Variants in MAP7 observed in about 807,000 individuals in gnomAD.
MAP7 encodes the protein microtubule associated protein 7, also known as ensconsin.
A neutral mutation model predicts 94.8 loss-of-function variants in MAP7; 52 were observed. The ratio of observed to expected loss-of-function variants is 0.55; its 90% CI spans 0.44 to 0.69. The LOEUF (loss-of-function observed/expected upper bound fraction) is 0.69. Among genes scored for constraint, MAP7 ranks in the 30% least tolerant of loss-of-function variants. The pLI is 0.00. For missense variants in MAP7, 940 were observed against 964.6 expected (o/e 0.97, Z 0.34); for synonymous variants, 350 against 357.0 (o/e 0.98, Z 0.22).
At chr6:136,481,884 T>C (rs1414136470) in intron 1 of MAP7, among the ~76,000 whole-genome samples, 1 of 152,194 alleles carries the variant, frequency 6.6e-6, no homozygotes, top group Non-Finnish European at 1.5e-5. Flanking sequence ...CATAAATATA[T>C]ATAGCCACTA....
At chr6:136,389,258 C>T in intron 4 of MAP7, 96 bp downstream of exon 4, 2 of 1,481,504 alleles carry the variant, frequency 1.3e-6, no homozygotes, top group Non-Finnish European at 8.9e-7. Context: ...AACCATTTTG[C>T]TTTGCACCCT....
At chr6:136,408,122 G>A (rs73565435) in intron 3 of MAP7, among the ~76,000 whole-genome samples, 124 of 152,178 alleles carry the variant, frequency 8.1e-4, no homozygotes, top group African/African-American at 2.9e-3. Context: ...AAAAATAAAA[G>A]CTTAGAAGAG....
chr6:136,509,708 C>T (rs565394575), intron 1 of MAP7, among the ~76,000 whole-genome samples: 1 of 152,236 alleles, frequency 6.6e-6, no homozygotes, highest in Non-Finnish European at 1.5e-5. Flanking sequence ...TACATACATG[C>T]ACCACCATGC....
chr6:136,524,733 C>T (rs910398140), intron 1 of MAP7, among the ~76,000 whole-genome samples: 24 of 152,130 alleles, frequency 1.6e-4, no homozygotes, highest in African/African-American at 5.1e-4. Flanking sequence ...AAGATTAATT[C>T]GAGAAACAGG....
chr6:136,493,250 G>A (rs1312961858), intron 1 of MAP7, among the ~76,000 whole-genome samples: 1 of 151,220 alleles, frequency 6.6e-6, no homozygotes, highest in Admixed American at 6.6e-5. Context: ...AGCCTCCCGA[G>A]TAGCTGGGAT....
At position 136,390,066 on chromosome 6, in the gene MAP7, TTTAG is replaced by T. The variant is rs146598246; in HGVS notation, c.245-553_245-550del. 1.4e-4 allele frequency among the ~76,000 whole-genome samples: 22 copies of T among 152,282 alleles called. No individual in the cohort carries two copies. The East Asian group carries it at 4.2e-3, about 29-fold the overall frequency. The stretch of plus-strand genomic sequence containing the variant: ...GGCCTTGTGTCTGAGGAGCTCACAA[TTTAG>T]TTAGATAAGAGTTAACCATATCAAA... On this transcript the variant is annotated intron_variant, in intron 3 of 17. Coordinates refer to ENST00000354570, the MANE Select transcript of MAP7 (RefSeq NM_003980.6).
Position 136,550,062 on chromosome 6 carries a change from C to T in MAP7, c.67+280G>A, listed in dbSNP as rs1405895433. On this transcript the variant is annotated intron_variant, in intron 1 of 17. Transcript: ENST00000354570. The surrounding 1 kb of genome is among the most constrained non-coding windows in gnomAD (Gnocchi z 5.1). ...GCCGGGGTCTCTCCGTTTCCTCCCC[C>T]GGCTCGCCTCCACCTGTTGCGGGAA... 6.6e-6 allele frequency among the ~76,000 whole-genome samples: 1 copy of T among 151,658 alleles called. No homozygotes were observed. Among genetic ancestry groups the T allele is most frequent in the Non-Finnish European group, 1.5e-5 (1 of 67,798 alleles).
At chr6:136,394,816 T>C (rs1781846721) in intron 3 of MAP7, among the ~76,000 whole-genome samples, 1 of 150,504 alleles carries the variant, frequency 6.6e-6, no homozygotes, top group Admixed American at 6.6e-5. Flanking sequence ...AGTGAGAACA[T>C]GCAATATTTG....
intron 1 of MAP7, among the ~76,000 whole-genome samples, chr6:136,423,296 T>G (rs894879759): frequency 3.9e-5 from 6 of 152,110 alleles, no homozygotes; most frequent in Non-Finnish European, 8.8e-5. Flanking sequence ...CATCTGTAAA[T>G]GGGGAAAACA....
chr6:136,429,290 C>A (rs1435394162), intron 1 of MAP7, among the ~76,000 whole-genome samples: 3 of 152,202 alleles, frequency 2.0e-5, no homozygotes, highest in Non-Finnish European at 4.4e-5. Flanking sequence ...ATTAGAGTGA[C>A]ACTCTGCAAA....
chr6:136,395,715 T>C (rs1277441091), intron 3 of MAP7, among the ~76,000 whole-genome samples: 1 of 152,200 alleles, frequency 6.6e-6, no homozygotes, highest in Admixed American at 6.5e-5. Context: ...TTAATCCATT[T>C]TGAGTTGATT....
intron 1 of MAP7, among the ~76,000 whole-genome samples, chr6:136,464,537 G>C (rs1456149233): frequency 6.6e-6 from 1 of 152,184 alleles, no homozygotes; most frequent in African/African-American, 2.4e-5. Context: ...CCTAGAAAAA[G>C]ACATAGTACA....
chr6:136,539,286 C>T (rs1197594252), intron 1 of MAP7, among the ~76,000 whole-genome samples: 1 of 152,180 alleles, frequency 6.6e-6, no homozygotes, highest in African/African-American at 2.4e-5. Flanking sequence ...AGAATGCTTA[C>T]ATGACATGCC....
At chr6:136,454,735 T>C (rs538661437) in intron 1 of MAP7, among the ~76,000 whole-genome samples, 4 of 152,014 alleles carry the variant, frequency 2.6e-5, no homozygotes, top group African/African-American at 9.6e-5. Flanking sequence ...CAAGACCCCA[T>C]CTCTTAAAAA....
chr6:136,470,771 T>A (rs1808716734), intron 1 of MAP7, among the ~76,000 whole-genome samples: 1 of 152,048 alleles, frequency 6.6e-6, no homozygotes, highest in African/African-American at 2.4e-5. Context: ...AGTGAATGTA[T>A]AAATGAAAAG....
At chr6:136,421,651 G>A (rs1791393354) in intron 2 of MAP7, 50 bp downstream of exon 2, 1 of 1,479,212 alleles carries the variant, frequency 6.8e-7, no homozygotes, top group South Asian at 1.1e-5. Context: ...ATGCCTTTAG[G>A]GCATAAAAGA....
chr6:136,368,002 A>G (rs973941563), intron 8 of MAP7, among the ~76,000 whole-genome samples: 3 of 152,110 alleles, frequency 2.0e-5, no homozygotes, highest in African/African-American at 7.2e-5. Flanking sequence ...GTTGGGGATT[A>G]TTATTATCTG....
intron 6 of MAP7, among the ~76,000 whole-genome samples, chr6:136,381,952 G>A (rs1305334105): frequency 1.3e-5 from 2 of 148,696 alleles, no homozygotes; most frequent in African/African-American, 5.0e-5. Context: ...TGGAGTCAGA[G>A]TCAATCTAAG....
chr6:136,360,968 G>A, intron 12 of MAP7, 37 bp downstream of exon 12: 1 of 1,554,520 alleles, frequency 6.4e-7, no homozygotes, highest in Middle Eastern at 2.1e-4. Context: ...TCTCCCTGCG[G>A]GACTGGGGCC....
Sources: gnomAD v4.1 joint callset for allele counts (sites outside exome capture counted in the v4.1 genomes callset) on GRCh38, gnomAD v4.1.1 for gene constraint, Gnocchi (gnomAD v3.1) non-coding constraint, MANE v1.5 for transcripts, NCBI Gene and HGNC (gene_info 2026-07-23, HGNC 2026-07-21) for gene names.